CACNA2D4: variants seen among roughly 807,000 people sequenced by gnomAD.
CACNA2D4 encodes the protein calcium voltage-gated channel auxiliary subunit alpha2delta 4, also known as voltage-dependent calcium channel subunit alpha-2/delta-4.
CACNA2D4 carries 157 observed loss-of-function variants against 163.8 expected under a neutral mutation model. The observed-to-expected ratio is 0.96, with a 90% CI of 0.84 to 1.09. The LOEUF is 1.09. Among genes scored for constraint, CACNA2D4 ranks in the 50% least tolerant of loss-of-function variants. The pLI is 0.00. For missense variants in CACNA2D4, 1,410 were observed against 1,479.9 expected (o/e 0.95, Z 0.78); for synonymous variants, 598 against 586.9 (o/e 1.02, Z -0.27).
rs770743173 is a variant in CACNA2D4, at chr12:1,878,167, A to T, written c.1719+148T>A. On this transcript the variant is annotated intron_variant, in intron 16 of 37. Transcript: ENST00000382722. This position sits in a 1 kb window ranked among gnomAD's most constrained non-coding sequence, Gnocchi z 4.6. ...GAATCTAAACAACTTGAAAACAGGGACCATGACTCGAATACATTTTTTTTC... is the reference window on the plus strand; with the variant it reads ...GAATCTAAACAACTTGAAAACAGGGTCCATGACTCGAATACATTTTTTTTC... 4.5e-6 allele frequency: 4 copies of T among 882,562 alleles called. No homozygotes were observed. The highest frequency in any genetic ancestry group is 1.5e-5 in the South Asian group (1 of 65,596). The allele number at this position is 882,562 out of a possible 1,614,324, so 54.7% of individuals were successfully genotyped here.
chr12:1,883,039 C>T lies in CACNA2D4; in HGVS notation c.1352-39G>A, dbSNP rs749890040. The stretch of plus-strand genomic sequence containing the variant: ...GGCCGCGTGGGTGTGGAAGGCAGGG[C>T]TTCCCTGGGAACCCCTCGCCAGGGC... On this transcript the variant is annotated intron_variant, in intron 12 of 37. Coordinates refer to ENST00000382722, the MANE Select transcript of CACNA2D4 (RefSeq NM_172364.5). The surrounding 1 kb of genome is among the most constrained non-coding windows in gnomAD (Gnocchi z 4.5). 6.3e-7 allele frequency: 1 copy of T among 1,594,972 alleles called. No individual in the cohort carries two copies. Among genetic ancestry groups the T allele is most frequent in the East Asian group, 2.3e-5 (1 of 44,190 alleles).
chr12:1,849,732 A>G (rs1865231559), intron 23 of CACNA2D4, among the ~76,000 whole-genome samples: 1 of 152,210 alleles, frequency 6.6e-6, no homozygotes, highest in African/African-American at 2.4e-5. Context: ...TCCACTAAAA[A>G]GTACGTGTGT....
At position 1,884,834 on chromosome 12, in the gene CACNA2D4, G is replaced by C; in HGVS notation, c.1206C>G (p.Leu402=). The C allele has an allele frequency of 6.2e-7, 1 of 1,613,872 alleles. No individual in the cohort carries two copies. Among genetic ancestry groups the C allele is most frequent in the Non-Finnish European group, 8.5e-7 (1 of 1,179,850 alleles). ...AGTCCTCCACGGCGCCGTCGCTGAT[G>C]AGCATGATGGCCTGGTTGCAGAGGC... ...QGSLCNQAIM[L]ISDGAVEDYE... is the part of the protein sequence containing the mutation. Residue 402 remains leucine (L), a synonymous_variant, in exon 11 of 38, where the codon CTC becomes CTG. Coordinates refer to ENST00000382722, the MANE Select transcript of CACNA2D4 (RefSeq NM_172364.5).
Position 1,856,376 on chromosome 12 carries a change from T to A in CACNA2D4, c.2009-147A>T, listed in dbSNP as rs1011941044. ...GCTCTTAGCTCACAGTAGGAGAACA[T>A]GGCTAAGTCTGCACAGGTCCCACCT... On this transcript the variant is annotated intron_variant, in intron 20 of 37. Transcript: ENST00000382722. 4 of 805,868 alleles carry A rather than the reference T, an allele frequency of 5.0e-6. No homozygotes were observed. The African/African-American group carries it at 5.1e-5, about 10-fold the overall frequency. 49.9% of individuals were successfully genotyped at this position (805,868 alleles called of 1,614,324 possible). A position where few individuals can be genotyped will look rare whatever the true frequency, so the allele number is the denominator to read the frequency against.
intron 6 of CACNA2D4, among the ~76,000 whole-genome samples, chr12:1,906,021 A>T (rs901831201): frequency 6.6e-6 from 1 of 152,100 alleles, no homozygotes; most frequent in Non-Finnish European, 1.5e-5. Context: ...CCAGAAATAA[A>T]CCCCCACATA....
In CACNA2D4 at chr12:1,884,801, C is replaced by G; in HGVS notation, c.1239G>C (p.Pro413=). The G allele has an allele frequency of 6.2e-7, 1 of 1,613,638 alleles. No individual in the cohort carries two copies. Among genetic ancestry groups the G allele is most frequent in the Non-Finnish European group, 8.5e-7 (1 of 1,179,734 alleles). The change falls in exon 11 of 38, where the codon CCG becomes CCC. Residue 413 remains proline (P), a synonymous_variant. Transcript: ENST00000382722. ...CTGGCCAGTTATACTTCTCAAACAC[C>G]GGCTCGTAGTCCTCCACGGCGCCGT... The part of the protein sequence containing the change: ...ISDGAVEDYE[P]VFEKYNWPDC...
At chr12:1,889,315 G>A (rs1293816555) in intron 6 of CACNA2D4, among the ~76,000 whole-genome samples, 1 of 152,140 alleles carries the variant, frequency 6.6e-6, no homozygotes, top group Non-Finnish European at 1.5e-5. Flanking sequence ...TGGTAAATAA[G>A]TCATTAATTC....
At chr12:1,901,805 A>G (rs1024159928) in intron 6 of CACNA2D4, among the ~76,000 whole-genome samples, 1 of 152,124 alleles carries the variant, frequency 6.6e-6, no homozygotes, top group African/African-American at 2.4e-5. Flanking sequence ...TACTCAAACT[A>G]TTATGAAAAA....
intron 23 of CACNA2D4, among the ~76,000 whole-genome samples, chr12:1,851,366 A>G (rs1391550109): frequency 6.6e-6 from 1 of 152,232 alleles, no homozygotes; most frequent in African/African-American, 2.4e-5. Flanking sequence ...GACTTCGTCC[A>G]GGTGTATGGT....
intron 36 of CACNA2D4, 71 bp downstream of exon 36, chr12:1,795,597 A>C (rs1863095681): frequency 4.3e-6 from 5 of 1,150,106 alleles, no homozygotes; most frequent in Non-Finnish European, 6.5e-6. Flanking sequence ...CGCTGCTCAA[A>C]ATCTGAGCCC....
In CACNA2D4 at chr12:1,793,571, T is replaced by C; in HGVS notation, c.*84A>G. 1 of 1,235,540 alleles carries C rather than the reference T, an allele frequency of 8.1e-7. No individual in the cohort carries two copies. Among genetic ancestry groups the C allele is most frequent in the Non-Finnish European group, 1.2e-6 (1 of 841,208 alleles). The allele number at this position is 1,235,540 out of a possible 1,614,324, so 76.5% of individuals were successfully genotyped here. On this transcript the variant is annotated 3_prime_UTR_variant, in exon 38 of 38. Transcript: ENST00000382722. ...GGCCTGGGGGCGACCCAACTGCAGT[T>C]AGCTGCATCCCATGTCAGTGCTGAC... is the stretch of plus-strand genomic sequence containing the variant.
chr12:1,888,110 G>A (rs1866194883), intron 6 of CACNA2D4, among the ~76,000 whole-genome samples: 2 of 152,154 alleles, frequency 1.3e-5, no homozygotes, highest in South Asian at 4.1e-4. Context: ...GGGAGCTTGA[G>A]TACCACTGGT....
intron 4 of CACNA2D4, 68 bp downstream of exon 4, chr12:1,909,838 C>T (rs761869370): frequency 1.3e-5 from 19 of 1,414,584 alleles, no homozygotes; most frequent in East Asian, 6.9e-5. Context: ...CACCCTATGC[C>T]GCCACCCCCA....
chr12:1,859,386 G>A (rs1389924675), intron 19 of CACNA2D4, among the ~76,000 whole-genome samples: 1 of 152,140 alleles, frequency 6.6e-6, no homozygotes, highest in Non-Finnish European at 1.5e-5. Flanking sequence ...TGAAGCCTGG[G>A]CAGTGGCAAC....
rs919905396 is a variant in CACNA2D4, at chr12:1,795,701, G to A, written c.3193C>T (p.Pro1065Ser). Residue 1065 changes from proline (P) to serine (S), a missense_variant, in exon 36 of 38, where the codon CCA (proline) becomes TCA (serine). By Grantham distance (74) the Pro-to-Ser change is moderately conservative (BLOSUM62 -1). Coordinates refer to ENST00000382722, the MANE Select transcript of CACNA2D4 (RefSeq NM_172364.5). ...TDPTCDCSIFPPVLQEATEVK... is the reference protein window; with the variant it reads ...TDPTCDCSIFSPVLQEATEVK... ...TCTGTCGCCTCCTGCAGCACTGGTGGGAAGATGCTGCAGTCACAGGTGGGG... is the reference window on the plus strand; with the variant it reads ...TCTGTCGCCTCCTGCAGCACTGGTGAGAAGATGCTGCAGTCACAGGTGGGG... The A allele has an allele frequency of 4.3e-6, 7 of 1,612,786 alleles. No homozygotes were observed. The highest frequency in any genetic ancestry group is 4.0e-5 in the African/African-American group (3 of 74,910).
intron 2 of CACNA2D4, 122 bp downstream of exon 2, chr12:1,914,732 C>T: frequency 1.5e-6 from 1 of 678,266 alleles, no homozygotes; most frequent in Non-Finnish European, 2.7e-6. Context: ...CCTCAGTGGC[C>T]CCATCTGAAA....
intron 37 of CACNA2D4, among the ~76,000 whole-genome samples, chr12:1,794,733 G>A (rs1442033338): frequency 6.6e-6 from 1 of 152,138 alleles, no homozygotes; most frequent in African/African-American, 2.4e-5. Flanking sequence ...TCACCAATTC[G>A]GACACTCTCC....
At chr12:1,852,024 C>T (rs543785838) in intron 23 of CACNA2D4, among the ~76,000 whole-genome samples, 2 of 152,184 alleles carry the variant, frequency 1.3e-5, no homozygotes, top group Admixed American at 1.3e-4. Context: ...CTCATATCTT[C>T]TATCTTTTTT....
At chr12:1,819,929 T>C (rs1864024759) in intron 26 of CACNA2D4, among the ~76,000 whole-genome samples, 1 of 152,216 alleles carries the variant, frequency 6.6e-6, no homozygotes, top group Admixed American at 6.5e-5. Context: ...GGTCAGACCC[T>C]GAGGCTCAGT....
Sources: gnomAD v4.1 joint callset for allele counts (sites outside exome capture counted in the v4.1 genomes callset) on GRCh38, gnomAD v4.1.1 for gene constraint, Gnocchi (gnomAD v3.1) non-coding constraint, MANE v1.5 for transcripts, NCBI Gene and HGNC (gene_info 2026-07-23, HGNC 2026-07-21) for gene names.